The following TEAD1 variants were observed in gnomAD, a reference collection of about 807,000 sequenced individuals.
The protein encoded by TEAD1 is transcriptional enhancer factor TEF-1.
In TEAD1, 9 loss-of-function variants were observed where a neutral mutation model predicts 54.9. The ratio of observed to expected loss-of-function variants is 0.16; its 90% CI spans 0.10 to 0.29. The LOEUF is 0.29. Ranked by LOEUF, TEAD1 falls within the 10% of genes least tolerant of loss-of-function variation. The pLI, the probability that TEAD1 is intolerant of heterozygous loss-of-function variation, is 1.00. For missense variants in TEAD1, 387 were observed against 535.9 expected, an observed-to-expected ratio of 0.72 and a Z score of 2.74; for synonymous variants, 200 against 187.8, an observed-to-expected ratio of 1.07 and a Z score of -0.53.
At chr11:12,718,691 C>T (rs1354248454) in intron 2 of TEAD1, among the ~76,000 whole-genome samples, 1 of 151,468 alleles carries the variant, frequency 6.6e-6, no homozygotes, top group Admixed American at 6.6e-5. Context: ...CCTTCCTTTT[C>T]TTTTTTCTTT....
chr11:12,852,473 A>T lies in TEAD1; in HGVS notation c.203-9777A>T, dbSNP rs1947296531. Among the ~76,000 whole-genome samples the T allele has an allele frequency of 2.1e-5, 3 of 146,260 alleles. No individual in the cohort carries two copies. In the South Asian group the frequency reaches 6.5e-4, roughly 32 times the overall value. On this transcript the variant is annotated intron_variant, in intron 3 of 12. Coordinates refer to ENST00000527636, the MANE Select transcript of TEAD1 (RefSeq NM_021961.6). ...CCTTTTTTTTTTTTTTTCGAGACAGAGTCTCACTCTGTTGCCCAGGCTGGA... is the reference window on the plus strand; with the variant it reads ...CCTTTTTTTTTTTTTTTCGAGACAGTGTCTCACTCTGTTGCCCAGGCTGGA...
chr11:12,855,431 A>G (rs1947357820), intron 3 of TEAD1, among the ~76,000 whole-genome samples: 1 of 152,050 alleles, frequency 6.6e-6, no homozygotes, highest in Non-Finnish European at 1.5e-5. Flanking sequence ...CTGGGATTAC[A>G]GGCATGTGCC....
intron 3 of TEAD1, among the ~76,000 whole-genome samples, chr11:12,851,497 AT>A (rs1401593737): frequency 1.3e-5 from 2 of 152,094 alleles, no homozygotes; most frequent in African/African-American, 2.4e-5. Context: ...AGTAAAATTT[AT>A]TTTTTAAAAA....
At chr11:12,858,838 G>A (rs891604586) in intron 3 of TEAD1, among the ~76,000 whole-genome samples, 1 of 152,180 alleles carries the variant, frequency 6.6e-6, no homozygotes, top group Non-Finnish European at 1.5e-5. Flanking sequence ...GTCATCAGGT[G>A]ATTTTAGTCA....
intron 2 of TEAD1, among the ~76,000 whole-genome samples, chr11:12,704,870 G>T (rs1296758200): frequency 6.6e-6 from 1 of 152,210 alleles, no homozygotes; most frequent in Non-Finnish European, 1.5e-5. Flanking sequence ...GGCATCTTCA[G>T]ATTAGCTGGA....
chr11:12,788,451 A>G (rs1243869779), intron 3 of TEAD1, among the ~76,000 whole-genome samples: 1 of 152,082 alleles, frequency 6.6e-6, no homozygotes, highest in Non-Finnish European at 1.5e-5. Flanking sequence ...ACCTTTTACT[A>G]AATATCTTTG....
At chr11:12,852,391 A>G (rs894395957) in intron 3 of TEAD1, among the ~76,000 whole-genome samples, 5 of 151,640 alleles carry the variant, frequency 3.3e-5, no homozygotes, top group Non-Finnish European at 5.9e-5. Context: ...GTAGCAGTCT[A>G]TTTAGGTCAC....
At chr11:12,866,282 A>C (rs1835481162) in intron 5 of TEAD1, among the ~76,000 whole-genome samples, 1 of 152,234 alleles carries the variant, frequency 6.6e-6, no homozygotes, top group Non-Finnish European at 1.5e-5. Flanking sequence ...TGATGTACAA[A>C]GAAGTTTACA....
intron 3 of TEAD1, among the ~76,000 whole-genome samples, chr11:12,830,906 C>T (rs1162231466): frequency 6.6e-6 from 1 of 151,926 alleles, no homozygotes; most frequent in Admixed American, 6.6e-5. Context: ...CGCTGATTCT[C>T]TTCCCTTTTC....
chr11:12,686,702 T>C (rs1283423519), intron 2 of TEAD1, among the ~76,000 whole-genome samples: 2 of 152,186 alleles, frequency 1.3e-5, no homozygotes, highest in African/African-American at 4.8e-5. Context: ...AATGATGTCC[T>C]ATGATGCACC....
chr11:12,850,564 A>G (rs1403511038), intron 3 of TEAD1, among the ~76,000 whole-genome samples: 1 of 152,228 alleles, frequency 6.6e-6, no homozygotes, highest in Non-Finnish European at 1.5e-5. Flanking sequence ...AAGGAAATAG[A>G]GGTCTAGAGA....
chr11:12,917,561 T>C (rs557350557), intron 10 of TEAD1, among the ~76,000 whole-genome samples: 1 of 152,356 alleles, frequency 6.6e-6, no homozygotes, highest in East Asian at 1.9e-4. Context: ...TCTTGCTGTG[T>C]TGCCCAGGCT....
intron 2 of TEAD1, among the ~76,000 whole-genome samples, chr11:12,745,150 C>A (rs1204761173): frequency 6.6e-6 from 1 of 152,146 alleles, no homozygotes; most frequent in Non-Finnish European, 1.5e-5. Flanking sequence ...TGTAAGTGAC[C>A]AGGCACGCTG....
At chr11:12,873,339 C>T (rs1171323489) in intron 5 of TEAD1, among the ~76,000 whole-genome samples, 2 of 152,180 alleles carry the variant, frequency 1.3e-5, no homozygotes, top group African/African-American at 4.8e-5. Flanking sequence ...CCCAGGCTTC[C>T]TGGGAGAGAG....
At chr11:12,683,469 A>G (rs184638729) in intron 2 of TEAD1, among the ~76,000 whole-genome samples, 60 of 152,256 alleles carry the variant, frequency 3.9e-4, no homozygotes, top group African/African-American at 1.4e-3. Context: ...TAAAGGGGAA[A>G]CACACTCACT....
chr11:12,882,543 G>A (rs547342937), intron 8 of TEAD1, among the ~76,000 whole-genome samples: 5 of 152,128 alleles, frequency 3.3e-5, no homozygotes, highest in East Asian at 1.9e-4. Flanking sequence ...ATGCTTTCAC[G>A]TATTGCCCTG....
intron 2 of TEAD1, among the ~76,000 whole-genome samples, chr11:12,691,279 A>G (rs530706688): frequency 3.8e-4 from 58 of 152,124 alleles, no homozygotes; most frequent in African/African-American, 1.3e-3. Flanking sequence ...TGGCCTTTTG[A>G]TGTGACCCTA....
In TEAD1 at chr11:12,937,399, T is replaced by C. The variant is rs1344944293; in HGVS notation, c.*177T>C. ...GTTTGAGTGAAGTCATTTTTTCATG[T>C]GTTCATACTATCATTGTAGCTGTGA... On this transcript the variant is annotated 3_prime_UTR_variant, in exon 13 of 13. Coordinates refer to ENST00000527636, the MANE Select transcript of TEAD1 (RefSeq NM_021961.6). 3 of 549,018 alleles carry C rather than the reference T, an allele frequency of 5.5e-6. No individual in the cohort carries two copies. The highest frequency in any genetic ancestry group is 9.9e-6 in the Non-Finnish European group (3 of 302,626). 34.0% of individuals were successfully genotyped at this position (549,018 alleles called of 1,614,324 possible). A position where few individuals can be genotyped will look rare whatever the true frequency, so the allele number is the denominator to read the frequency against.
At chr11:12,859,958 G>C (rs1032463543) in intron 3 of TEAD1, among the ~76,000 whole-genome samples, 1 of 152,146 alleles carries the variant, frequency 6.6e-6, no homozygotes, top group Non-Finnish European at 1.5e-5. Context: ...GAGTATTTAG[G>C]ATGAGAGAGG....
Sources: allele counts gnomAD v4.1 joint callset (sites outside exome capture counted in the v4.1 genomes callset), GRCh38; gene constraint gnomAD v4.1.1; transcripts MANE v1.5; gene names NCBI Gene and HGNC (gene_info 2026-07-23, HGNC 2026-07-21).